FMO1: variants seen among roughly 807,000 people sequenced by gnomAD.
FMO1 encodes the protein flavin-containing monooxygenase 1.
Under a neutral mutation model 45.4 loss-of-function variants are expected in FMO1, and 36 were observed. That is an observed-to-expected ratio of 0.79 (90% CI 0.61 to 1.05). The LOEUF is 1.05. Among genes scored for constraint, FMO1 ranks in the 50% least tolerant of loss-of-function variants. The pLI is 0.00. For missense variants in FMO1, 615 were observed against 640.3 expected, an observed-to-expected ratio of 0.96 and a Z score of 0.43; for synonymous variants, 228 against 227.2, an observed-to-expected ratio of 1.00 and a Z score of -0.03.
chr1:171,279,089 C>CTTT (rs35698046), intron 5 of FMO1, among the ~76,000 whole-genome samples: 3 of 137,778 alleles, frequency 2.2e-5, no homozygotes, highest in Non-Finnish European at 3.2e-5. Context: ...CTTCTTTTTA[C>CTTT]TTTTTTTTTT....
intron 1 of FMO1, among the ~76,000 whole-genome samples, chr1:171,256,946 C>T (rs1324625735): frequency 6.6e-6 from 1 of 152,182 alleles, no homozygotes; most frequent in African/African-American, 2.4e-5. Flanking sequence ...GTGTGTGCTA[C>T]TGACCAGAAA....
intron 4 of FMO1, among the ~76,000 whole-genome samples, chr1:171,276,860 C>A (rs150880553): frequency 1.1e-3 from 160 of 152,264 alleles, no homozygotes; most frequent in African/African-American, 3.6e-3. Flanking sequence ...CCAATATGCT[C>A]AGTTTGAGTA....
intron 2 of FMO1, among the ~76,000 whole-genome samples, chr1:171,263,849 G>A (rs1268046993): frequency 3.9e-5 from 6 of 152,154 alleles, no homozygotes; most frequent in Admixed American, 6.5e-5. Context: ...AATCACTGGG[G>A]CAGATTGCAC....
chr1:171,275,608 G>T, intron 4 of FMO1, 100 bp downstream of exon 4: 1 of 849,864 alleles, frequency 1.2e-6, no homozygotes, highest in Non-Finnish European at 1.8e-6. Context: ...CCATTAAATA[G>T]TTAAAGTTGG....
At chr1:171,270,751 T>C (rs370824161) in intron 3 of FMO1, 51 of 1,141,808 alleles carry the variant, frequency 4.5e-5, no homozygotes, top group Non-Finnish European at 5.5e-5. Context: ...GCAAGGTTAG[T>C]GGCTATTGAA....
chr1:171,262,362 A>G (rs992295277), intron 2 of FMO1, among the ~76,000 whole-genome samples: 10 of 152,220 alleles, frequency 6.6e-5, no homozygotes, highest in African/African-American at 2.2e-4. Context: ...CATCATCTAG[A>G]GGTGACTAAC....
At chr1:171,258,000 A>G in intron 1 of FMO1, 82 bp from the exon 2 acceptor site, 1 of 1,548,366 alleles carries the variant, frequency 6.5e-7, no homozygotes, top group Non-Finnish European at 8.9e-7. Flanking sequence ...AATCTTCCAA[A>G]TTCTTTTTCC....
rs148313352 is a variant in FMO1 at position 171,285,493 on chromosome 1, A to G, written c.1548A>G (p.Lys516=). ...ESPSPFESFL[K]VFSFLALLVA... ...CATCTCCCTTTGAAAGTTTTCTTAAAGTCTTTAGCTTTCTGGCTTTGCTTG... is the reference window on the plus strand; with the variant it reads ...CATCTCCCTTTGAAAGTTTTCTTAAGGTCTTTAGCTTTCTGGCTTTGCTTG... Residue 516 remains lysine (K), a synonymous_variant, in exon 9 of 9, where the codon AAA becomes AAG. Coordinates refer to ENST00000617670, the MANE Select transcript of FMO1 (RefSeq NM_001282693.2). 2 of 1,521,246 alleles carry G rather than the reference A, an allele frequency of 1.3e-6. No homozygotes were observed. Among genetic ancestry groups the G allele is most frequent in the Non-Finnish European group, 1.8e-6 (2 of 1,137,076 alleles). The allele number at this position is 1,521,246 out of a possible 1,614,324, so 94.2% of individuals were successfully genotyped here. A position where few individuals can be genotyped will look rare whatever the true frequency, so the allele number is the denominator to read the frequency against.
intron 8 of FMO1, 74 bp downstream of exon 8, chr1:171,283,290 AAAAAAAAG>A (rs1558020341): frequency 3.3e-6 from 2 of 609,868 alleles, no homozygotes; most frequent in Non-Finnish European, 5.2e-6. Flanking sequence ...AAAAAAAAAA[AAAAAAAAG>A]GAAATGAAAA....
intron 2 of FMO1, 117 bp from the exon 3 acceptor site, chr1:171,267,426 A>G (rs1660660823): frequency 1.6e-6 from 1 of 625,202 alleles, no homozygotes; most frequent in Non-Finnish European, 2.7e-6. Flanking sequence ...ATTCTCATGT[A>G]TTTCTATATT....
intron 7 of FMO1, chr1:171,282,541 T>C: frequency 6.6e-6 from 3 of 452,222 alleles, no homozygotes. Context: ...AAAATATATA[T>C]ATTTTTTTGA....
At chr1:171,267,436 T>C in intron 2 of FMO1, 107 bp from the exon 3 acceptor site, 1 of 668,742 alleles carries the variant, frequency 1.5e-6, no homozygotes, top group Non-Finnish European at 2.5e-6. Context: ...ATTTCTATAT[T>C]CTCCTGTGCT....
chr1:171,266,243 G>A (rs893307298), intron 2 of FMO1, among the ~76,000 whole-genome samples: 1 of 152,052 alleles, frequency 6.6e-6, no homozygotes, highest in African/African-American at 2.4e-5. Flanking sequence ...TCAACAAAAT[G>A]GTGTCCACAT....
rs28360436 is a variant in FMO1 at position 171,285,814 on chromosome 1, A to C, written c.*270A>C. 2,395 of 294,662 alleles carry C rather than the reference A, an allele frequency of 8.1e-3. 48 individuals are homozygous for C. Among genetic ancestry groups the C allele is most frequent in the African/African-American group, 0.046 (2,124 of 46,416 alleles). 18.3% of individuals were successfully genotyped at this position (294,662 alleles called of 1,614,324 possible). A position where few individuals can be genotyped will look rare whatever the true frequency, so the allele number is the denominator to read the frequency against. ...CATTTTAGAAAGAAAGCTGTTCTTG[A>C]CAGCACTCTGAGCCATCATACCTCT... On this transcript the variant is annotated 3_prime_UTR_variant, in exon 9 of 9. Transcript: ENST00000617670.
intron 2 of FMO1, among the ~76,000 whole-genome samples, chr1:171,261,829 G>A (rs1454036479): frequency 6.6e-6 from 1 of 152,176 alleles, no homozygotes; most frequent in Non-Finnish European, 1.5e-5. Context: ...CAGTTTTAAG[G>A]AAAAGAGAGA....
chr1:171,262,221 G>T (rs902294499), intron 2 of FMO1, among the ~76,000 whole-genome samples: 3 of 152,024 alleles, frequency 2.0e-5, no homozygotes, highest in African/African-American at 7.2e-5. Context: ...GATCACCTGA[G>T]GTCAGGAGTT....
intron 2 of FMO1, among the ~76,000 whole-genome samples, chr1:171,262,978 C>T (rs1008938806): frequency 2.6e-5 from 4 of 152,180 alleles, no homozygotes; most frequent in African/African-American, 9.6e-5. Flanking sequence ...TCTTGGAGAA[C>T]AGGAGACGTG....
chr1:171,251,275 T>A (rs1256080306), intron 1 of FMO1, among the ~76,000 whole-genome samples: 1 of 152,146 alleles, frequency 6.6e-6, no homozygotes, highest in Non-Finnish European at 1.5e-5. Context: ...CGCAACTGTT[T>A]ACAGGACTCA....
Position 171,282,083 on chromosome 1 carries a change from C to T in FMO1, c.933C>T (p.Val311=), listed in dbSNP as rs770436410. ...TAAAAGAGGTAAAGGAAAACTCTGT[C>T]ATATTTAACAATACTTCAAAGGAAG... ...PSIKEVKENS[V]IFNNTSKEEP... is the part of the protein sequence containing the mutation. The change falls in exon 7 of 9, where the codon GTC becomes GTT. Residue 311 remains valine (V), a synonymous_variant. Coordinates refer to ENST00000617670, the MANE Select transcript of FMO1 (RefSeq NM_001282693.2). 3.1e-6 allele frequency: 5 copies of T among 1,613,824 alleles called. No individual in the cohort carries two copies. In the Admixed American group the frequency reaches 8.3e-5, roughly 27 times the overall value.
Sources: gnomAD v4.1 joint callset for allele counts (sites outside exome capture counted in the v4.1 genomes callset) on GRCh38, gnomAD v4.1.1 for gene constraint, MANE v1.5 for transcripts, NCBI Gene and HGNC (gene_info 2026-07-23, HGNC 2026-07-21) for gene names.